Variants in RASAL2 observed in about 807,000 individuals in gnomAD.
RASAL2 encodes ras GTPase-activating protein nGAP.
RASAL2 carries 58 observed loss-of-function variants against 128.9 expected under a neutral mutation model. That is an observed-to-expected ratio of 0.45 (90% CI 0.36 to 0.56). The LOEUF is 0.56. Among genes scored for constraint, RASAL2 ranks in the 20% least tolerant of loss-of-function variants. RASAL2 has a pLI of 0.00. For missense variants in RASAL2, 1,360 were observed against 1,601.6 expected, an observed-to-expected ratio of 0.85 and a Z score of 2.57; for synonymous variants, 561 against 580.8, an observed-to-expected ratio of 0.97 and a Z score of 0.49.
chr1:178,410,597 G>A (rs1353295322), intron 4 of RASAL2, among the ~76,000 whole-genome samples: 2 of 152,026 alleles, frequency 1.3e-5, no homozygotes, highest in Admixed American at 1.3e-4. Flanking sequence ...CCACAGGGTG[G>A]GAGAAAAATG....
At chr1:178,325,994 G>A (rs1258373611) in intron 3 of RASAL2, among the ~76,000 whole-genome samples, 1 of 152,148 alleles carries the variant, frequency 6.6e-6, no homozygotes, top group South Asian at 2.1e-4. Context: ...GGGAGGCAGA[G>A]GTGGGAGGAT....
chr1:178,300,177 G>C, intron 3 of RASAL2, 59 bp downstream of exon 3: 1 of 1,524,074 alleles, frequency 6.6e-7, no homozygotes, highest in Non-Finnish European at 8.9e-7. Context: ...TTATGGACTT[G>C]TTACTGAGTA....
chr1:178,199,685 G>GT (rs150915734), intron 1 of RASAL2, among the ~76,000 whole-genome samples: 13,266 of 151,188 alleles, frequency 0.088, 610 homozygotes, highest in Middle Eastern at 0.14. Context: ...AATCTTCTGT[G>GT]TTTTTTTTTG....
intron 1 of RASAL2, among the ~76,000 whole-genome samples, chr1:178,248,534 A>T (rs989272285): frequency 3.9e-5 from 6 of 152,134 alleles, no homozygotes; most frequent in African/African-American, 1.4e-4. Flanking sequence ...TGAGACATTT[A>T]GCCCATTACA....
chr1:178,268,152 C>T (rs1462433937), intron 1 of RASAL2, among the ~76,000 whole-genome samples: 1 of 151,824 alleles, frequency 6.6e-6, no homozygotes, highest in Non-Finnish European at 1.5e-5. Context: ...TAGAGTGAGA[C>T]CCTACCAAAA....
rs1426396111 is a variant in RASAL2, at chr1:178,477,199, G to C, written c.*3960G>C. The C allele has an allele frequency of 6.6e-6, 1 of 152,120 alleles. No homozygotes were observed. The highest frequency in any genetic ancestry group is 1.5e-5 in the Non-Finnish European group (1 of 68,006). 9.4% of individuals were successfully genotyped at this position (152,120 alleles called of 1,614,324 possible). On this transcript the variant is annotated 3_prime_UTR_variant, in exon 18 of 18. Coordinates refer to ENST00000367649, the MANE Select transcript of RASAL2 (RefSeq NM_170692.4). ...TCTCCATTCTCCTTCCCTTTTTCAA[G>C]TCTAATAGTGAAATCTCCTGCTTAC...
At chr1:178,134,600 G>A (rs1239277168) in intron 1 of RASAL2, among the ~76,000 whole-genome samples, 1 of 151,974 alleles carries the variant, frequency 6.6e-6, no homozygotes, top group Non-Finnish European at 1.5e-5. Context: ...AATAGCCAAC[G>A]CCATAGACAT....
chr1:178,462,641 A>G (rs1220775770), intron 14 of RASAL2, among the ~76,000 whole-genome samples: 1 of 152,136 alleles, frequency 6.6e-6, no homozygotes, highest in African/African-American at 2.4e-5. Flanking sequence ...CATTAATAGA[A>G]GGAATAGTTA....
intron 1 of RASAL2, among the ~76,000 whole-genome samples, chr1:178,206,158 T>A (rs1663039016): frequency 6.6e-6 from 1 of 152,164 alleles, no homozygotes; most frequent in Admixed American, 6.5e-5. Context: ...AGAAAAGCCA[T>A]CTTGAGACGA....
intron 3 of RASAL2, among the ~76,000 whole-genome samples, chr1:178,355,529 A>G (rs1397869876): frequency 6.6e-6 from 1 of 152,222 alleles, no homozygotes; most frequent in African/African-American, 2.4e-5. Context: ...TAGTAATAAT[A>G]CCACTTTTAG....
At chr1:178,314,683 G>C (rs979456244) in intron 3 of RASAL2, among the ~76,000 whole-genome samples, 1 of 152,010 alleles carries the variant, frequency 6.6e-6, no homozygotes, top group African/African-American at 2.4e-5. Context: ...AGTAAAGCAA[G>C]CTTCTGTGCT....
At chr1:178,377,684 G>A (rs959831574) in intron 3 of RASAL2, among the ~76,000 whole-genome samples, 72 of 152,142 alleles carry the variant, frequency 4.7e-4, no homozygotes, top group African/African-American at 1.7e-3. Context: ...AACCTGGACT[G>A]GTAGGTGAGG....
chr1:178,195,873 TAA>T (rs1042220645), intron 1 of RASAL2, among the ~76,000 whole-genome samples: 1 of 152,122 alleles, frequency 6.6e-6, no homozygotes, highest in African/African-American at 2.4e-5. Flanking sequence ...CATAAAAGGA[TAA>T]GAGTTATTGA....
At chr1:178,313,210 A>G (rs1668344881) in intron 3 of RASAL2, among the ~76,000 whole-genome samples, 1 of 152,240 alleles carries the variant, frequency 6.6e-6, no homozygotes, top group African/African-American at 2.4e-5. Context: ...GTGAGAGAAT[A>G]GGAGTATGTA....
chr1:178,464,484 G>A (rs1647435495), intron 15 of RASAL2, 72 bp downstream of exon 15: 4 of 1,556,292 alleles, frequency 2.6e-6, no homozygotes, highest in Middle Eastern at 2.0e-4. Context: ...ATCTAGCTAA[G>A]AACATAAACT....
intron 1 of RASAL2, among the ~76,000 whole-genome samples, chr1:178,226,396 A>G (rs1254944462): frequency 6.6e-6 from 1 of 152,160 alleles, no homozygotes; most frequent in Non-Finnish European, 1.5e-5. Context: ...TAAAGAGCTG[A>G]ATTTACTAAG....
rs1004918489 is a variant in RASAL2 at position 178,278,816 on chromosome 1, G to A, written c.203-4748G>A. Among the ~76,000 whole-genome samples the A allele has an allele frequency of 3.3e-5, 5 of 152,268 alleles. No homozygotes were observed. In the South Asian group the frequency reaches 1.0e-3, roughly 32 times the overall value. On this transcript the variant is annotated intron_variant, in intron 1 of 17. Transcript: ENST00000367649. ...CTAAGAAAAAAGTTGGAGTGTGTCT[G>A]TGTGTGTGTTCCTATACTGAAATTT... is the stretch of plus-strand genomic sequence containing the variant.
chr1:178,110,270 T>C (rs1269413115), intron 1 of RASAL2, among the ~76,000 whole-genome samples: 2 of 152,038 alleles, frequency 1.3e-5, no homozygotes, highest in Non-Finnish European at 2.9e-5. Context: ...TCAAGAATTT[T>C]ATGGACATTA....
At chr1:178,165,400 A>G (rs1558090758) in intron 1 of RASAL2, among the ~76,000 whole-genome samples, 1 of 152,166 alleles carries the variant, frequency 6.6e-6, no homozygotes, top group African/African-American at 2.4e-5. Flanking sequence ...ATTGTGTAAC[A>G]TTTACATTGT....
Sources: allele counts gnomAD v4.1 joint callset (sites outside exome capture counted in the v4.1 genomes callset), GRCh38; gene constraint gnomAD v4.1.1; transcripts MANE v1.5; gene names NCBI Gene and HGNC (gene_info 2026-07-23, HGNC 2026-07-21).